Variants in ATP8A2 observed in about 807,000 individuals in gnomAD.
The protein encoded by ATP8A2 is ATPase phospholipid transporting 8A2.
In ATP8A2, 100 loss-of-function variants were observed where a neutral mutation model predicts 165.6. That is an observed-to-expected ratio of 0.60 (90% CI 0.51 to 0.71). The LOEUF is 0.71. Ranked by LOEUF, ATP8A2 falls within the 30% of genes least tolerant of loss-of-function variation. ATP8A2 has a pLI of 0.00. For missense variants in ATP8A2, 1,227 were observed against 1,479.5 expected (o/e 0.83, Z 2.80); for synonymous variants, 543 against 548.8 (o/e 0.99, Z 0.15).
chr13:25,505,815 G>A (rs1398343013), intron 2 of ATP8A2, among the ~76,000 whole-genome samples: 1 of 152,122 alleles, frequency 6.6e-6, no homozygotes, highest in Non-Finnish European at 1.5e-5. Flanking sequence ...CATTAACAAG[G>A]TATTATTAAT....
chr13:25,465,663 T>TTTCC (rs2035615236), intron 1 of ATP8A2, among the ~76,000 whole-genome samples: 6 of 86,394 alleles, frequency 6.9e-5, no homozygotes, highest in Non-Finnish European at 1.2e-4. Context: ...TCTTGCAGAG[T>TTTCC]TTTCTTTCTT....
intron 27 of ATP8A2, among the ~76,000 whole-genome samples, chr13:25,825,511 T>C (rs757939852): frequency 5.3e-5 from 8 of 152,070 alleles, no homozygotes; most frequent in Non-Finnish European, 1.0e-4. Context: ...CAAGACAACA[T>C]GTTAACTGGA....
chr13:25,989,120 C>T (rs996060425), intron 35 of ATP8A2, among the ~76,000 whole-genome samples: 21 of 152,324 alleles, frequency 1.4e-4, no homozygotes, highest in African/African-American at 5.1e-4. Flanking sequence ...TCTTTAATTA[C>T]TTCAACAATT....
chr13:25,558,808 T>C (rs2039057545), intron 13 of ATP8A2, among the ~76,000 whole-genome samples, 165 bp from the exon 14 acceptor site: 1 of 152,232 alleles, frequency 6.6e-6, no homozygotes, highest in South Asian at 2.1e-4. Context: ...TTGTAAGTGG[T>C]CTAAGCATTA....
At chr13:25,550,191 A>G (rs1199970158) in intron 10 of ATP8A2, among the ~76,000 whole-genome samples, 1 of 152,136 alleles carries the variant, frequency 6.6e-6, no homozygotes, top group African/African-American at 2.4e-5. Flanking sequence ...CTGTAGTCCC[A>G]GCTACTTGGG....
At chr13:25,461,900 G>T (rs979393597) in intron 1 of ATP8A2, among the ~76,000 whole-genome samples, 1 of 152,030 alleles carries the variant, frequency 6.6e-6, no homozygotes, top group Non-Finnish European at 1.5e-5. Context: ...CTATGAGATA[G>T]AGACCATATG....
chr13:25,578,517 T>G (rs1000100895), intron 20 of ATP8A2, among the ~76,000 whole-genome samples: 4 of 152,210 alleles, frequency 2.6e-5, no homozygotes, highest in African/African-American at 9.6e-5. Flanking sequence ...GATATGAGTT[T>G]TGCAAATTTT....
intron 30 of ATP8A2, among the ~76,000 whole-genome samples, chr13:25,856,075 C>A (rs1292278029): frequency 6.6e-6 from 1 of 152,126 alleles, no homozygotes; most frequent in East Asian, 1.9e-4. Context: ...TTTGCAAGTA[C>A]TTTTTTCCAT....
chr13:25,656,567 C>G (rs78981162), intron 24 of ATP8A2, among the ~76,000 whole-genome samples: 5,214 of 151,960 alleles, frequency 0.034, 153 homozygotes, highest in East Asian at 0.13. Context: ...GCCACCACAC[C>G]CAGCCAAAGT....
intron 33 of ATP8A2, among the ~76,000 whole-genome samples, chr13:25,923,403 G>A (rs1954516096): frequency 6.6e-6 from 1 of 152,218 alleles, no homozygotes; most frequent in African/African-American, 2.4e-5. Context: ...AGAGGGCCAG[G>A]CTAAGTGCTA....
chr13:25,783,319 G>T (rs2044934701), intron 27 of ATP8A2, among the ~76,000 whole-genome samples: 2 of 152,084 alleles, frequency 1.3e-5, no homozygotes, highest in African/African-American at 4.8e-5. Flanking sequence ...GTAATATGTT[G>T]GTGGGAAAAC....
At chr13:26,000,849 C>A (rs1956618368) in intron 35 of ATP8A2, among the ~76,000 whole-genome samples, 2 of 152,046 alleles carry the variant, frequency 1.3e-5, no homozygotes, top group Admixed American at 1.3e-4. Flanking sequence ...TTTTTTAATT[C>A]AATTTTCTTT....
At chr13:25,800,814 A>G (rs1028030279) in intron 27 of ATP8A2, among the ~76,000 whole-genome samples, 2 of 152,086 alleles carry the variant, frequency 1.3e-5, no homozygotes, top group Admixed American at 1.3e-4. Context: ...AGTGAGAATA[A>G]CTGTAAGGTG....
intron 2 of ATP8A2, among the ~76,000 whole-genome samples, chr13:25,497,978 A>AATC (rs2036731927): frequency 6.6e-6 from 1 of 151,958 alleles, no homozygotes; most frequent in South Asian, 2.1e-4. Context: ...TAATAATAAT[A>AATC]ATAATAAAAG....
chr13:25,768,920 A>T (rs2044553698), intron 25 of ATP8A2, 126 bp from the exon 26 acceptor site: 1 of 904,212 alleles, frequency 1.1e-6, no homozygotes. Context: ...GCACATGAGC[A>T]TAAAATGGAT....
intron 33 of ATP8A2, among the ~76,000 whole-genome samples, chr13:25,865,048 G>C (rs1952467932): frequency 6.6e-6 from 1 of 152,142 alleles, no homozygotes; most frequent in African/African-American, 2.4e-5. Context: ...TGCTTGGGTG[G>C]ATAGTGGCTT....
At chr13:25,628,231 C>A (rs2041152331) in intron 24 of ATP8A2, among the ~76,000 whole-genome samples, 1 of 152,118 alleles carries the variant, frequency 6.6e-6, no homozygotes, top group Non-Finnish European at 1.5e-5. Flanking sequence ...CTTTTTCTGA[C>A]CCACATTAAT....
chr13:25,937,362 C>CTTTCTTTT lies in ATP8A2; in HGVS notation c.3184-24210_3184-24209insCTTTTTTT. On this transcript the variant is annotated intron_variant, in intron 33 of 36. Transcript: ENST00000381655. ...TGCTTTGTCTTTCTATTCTTTCTTTCTTTTTTTTTTTTTTTTTGAACAGCC... is the reference window on the plus strand; with the variant it reads ...TGCTTTGTCTTTCTATTCTTTCTTTCTTTCTTTTTTTTTTTTTTTTTTTTTGAACAGCC... Among the ~76,000 whole-genome samples, 229 of 38,806 alleles carry CTTTCTTTT rather than the reference C, an allele frequency of 5.9e-3. 23 individuals are homozygous for CTTTCTTTT. The highest frequency in any genetic ancestry group is 0.013 in the African/African-American group (187 of 14,736). The allele number at this position is 38,806 out of a possible 152,430, so 25.5% of individuals were successfully genotyped here.
At chr13:25,895,123 A>G (rs1411991137) in intron 33 of ATP8A2, among the ~76,000 whole-genome samples, 1 of 152,136 alleles carries the variant, frequency 6.6e-6, no homozygotes, top group African/African-American at 2.4e-5. Flanking sequence ...ATTTTTCAAA[A>G]AGAATGCTTC....
Sources: allele counts gnomAD v4.1 joint callset (sites outside exome capture counted in the v4.1 genomes callset), GRCh38; gene constraint gnomAD v4.1.1; transcripts MANE v1.5; gene names NCBI Gene and HGNC (gene_info 2026-07-23, HGNC 2026-07-21).